Variants in NAV2 observed in about 807,000 individuals in gnomAD.
The protein encoded by NAV2 is helicase, APC down-regulated 1.
A neutral mutation model predicts 223.2 loss-of-function variants in NAV2; 54 were observed. The observed-to-expected ratio is 0.24, with a 90% CI of 0.19 to 0.30. NAV2 has a LOEUF of 0.30. NAV2 is among the 10% of genes least tolerant of loss of function. The probability of loss-of-function intolerance (pLI) is 1.00; values close to 1 mark genes in which losing one functional copy is unlikely to be tolerated. For synonymous variants in NAV2, 1,279 were observed against 1,239.3 expected (o/e 1.03, Z -0.67); for missense variants, 2,806 against 3,147.5 (o/e 0.89, Z 2.60).
At chr11:19,666,878 TG>T (rs1408701640) in intron 1 of NAV2, among the ~76,000 whole-genome samples, 1 of 152,196 alleles carries the variant, frequency 6.6e-6, no homozygotes, top group African/African-American at 2.4e-5. Flanking sequence ...TCAGAATTTC[TG>T]GGGGTAAGGC....
At chr11:19,523,652 A>T (rs553771820) in intron 1 of NAV2, among the ~76,000 whole-genome samples, 2 of 152,214 alleles carry the variant, frequency 1.3e-5, no homozygotes, top group African/African-American at 4.8e-5. Flanking sequence ...TCCATGTGCC[A>T]TGAGGGCAAG....
At chr11:19,632,546 AC>A (rs1307296041) in intron 1 of NAV2, among the ~76,000 whole-genome samples, 1 of 151,794 alleles carries the variant, frequency 6.6e-6, no homozygotes, top group Non-Finnish European at 1.5e-5. Context: ...AAACTGGCCA[AC>A]CCTTCCTGCC....
intron 1 of NAV2, among the ~76,000 whole-genome samples, chr11:19,781,616 A>C (rs1330063957): frequency 6.6e-6 from 1 of 152,116 alleles, no homozygotes; most frequent in African/African-American, 2.4e-5. Flanking sequence ...GCTAACAAGC[A>C]GATTAAAAGA....
chr11:19,853,354 A>T (rs1225505250), intron 3 of NAV2, among the ~76,000 whole-genome samples: 2 of 152,238 alleles, frequency 1.3e-5, no homozygotes, highest in African/African-American at 2.4e-5. Context: ...TTTAAAAGTT[A>T]ATAGGAGGGA....
At chr11:19,435,495 G>C (rs376118654) in intron 1 of NAV2, among the ~76,000 whole-genome samples, 1 of 152,066 alleles carries the variant, frequency 6.6e-6, no homozygotes, top group Non-Finnish European at 1.5e-5. Context: ...CATTTCAATT[G>C]TTTCCATATC....
chr11:19,593,709 G>A (rs765274660), intron 1 of NAV2, among the ~76,000 whole-genome samples: 2 of 151,652 alleles, frequency 1.3e-5, no homozygotes, highest in African/African-American at 2.4e-5. Context: ...GGAATTTGGT[G>A]TTGCCACTAT....
chr11:19,497,048 T>C (rs11025158), intron 1 of NAV2, among the ~76,000 whole-genome samples: 22,933 of 152,158 alleles, frequency 0.15, 1,820 homozygotes, highest in Admixed American at 0.2. Flanking sequence ...GCCATTGCAT[T>C]TGCTCTTAGA....
At chr11:19,707,139 A>T (rs574915294) in intron 1 of NAV2, among the ~76,000 whole-genome samples, 2 of 152,358 alleles carry the variant, frequency 1.3e-5, no homozygotes, top group Non-Finnish European at 2.9e-5. Context: ...GAGAGAATGT[A>T]AAGGCCTAGG....
intron 1 of NAV2, among the ~76,000 whole-genome samples, chr11:19,609,235 A>T (rs2046565264): frequency 6.6e-6 from 1 of 152,232 alleles, no homozygotes; most frequent in Admixed American, 6.5e-5. Flanking sequence ...TTAATTAAAG[A>T]TAAGCTGCAG....
chr11:19,977,373 T>C (rs2625295), intron 10 of NAV2, among the ~76,000 whole-genome samples: 123,017 of 152,230 alleles, frequency 0.81, 50,172 homozygotes, highest in East Asian at 0.92. Flanking sequence ...CCAAAGGTTG[T>C]TGTTGGTTTT....
At chr11:19,465,570 A>T (rs1485275723) in intron 1 of NAV2, among the ~76,000 whole-genome samples, 1 of 152,242 alleles carries the variant, frequency 6.6e-6, no homozygotes, top group Non-Finnish European at 1.5e-5. Flanking sequence ...AAGTTATAGA[A>T]ACAGGAACTC....
chr11:19,871,507 C>A (rs2062492350), intron 4 of NAV2, among the ~76,000 whole-genome samples: 1 of 152,128 alleles, frequency 6.6e-6, no homozygotes, highest in Admixed American at 6.5e-5. Flanking sequence ...CTGCCACTGT[C>A]TCAGCTGGTA....
intron 22 of NAV2, among the ~76,000 whole-genome samples, chr11:20,077,035 C>T (rs997615581): frequency 2.0e-5 from 3 of 152,124 alleles, no homozygotes; most frequent in Admixed American, 2.0e-4. Flanking sequence ...TTTGTTCATT[C>T]TACTAACATG....
At chr11:19,471,740 C>A (rs2041971919) in intron 1 of NAV2, among the ~76,000 whole-genome samples, 1 of 152,184 alleles carries the variant, frequency 6.6e-6, no homozygotes, top group Non-Finnish European at 1.5e-5. Flanking sequence ...ATGAAGAAGG[C>A]AGTGCTTAAA....
intron 1 of NAV2, among the ~76,000 whole-genome samples, chr11:19,546,503 T>C (rs7123531): frequency 0.19 from 29,592 of 152,106 alleles, 5,527 homozygotes; most frequent in African/African-American, 0.5. Flanking sequence ...ATCCTCAGCT[T>C]TCCAAAGCCA....
At chr11:19,877,088 C>T (rs371998127) in intron 4 of NAV2, among the ~76,000 whole-genome samples, 2 of 152,088 alleles carry the variant, frequency 1.3e-5, no homozygotes, top group African/African-American at 4.8e-5. Flanking sequence ...AAACTGGACC[C>T]TGAGTCGGAA....
At chr11:19,516,830 T>C (rs1296296825) in intron 1 of NAV2, among the ~76,000 whole-genome samples, 1 of 152,150 alleles carries the variant, frequency 6.6e-6, no homozygotes, top group Non-Finnish European at 1.5e-5. Context: ...TACCCAAGTA[T>C]TCATGTCAGC....
intron 1 of NAV2, among the ~76,000 whole-genome samples, chr11:19,451,700 T>G (rs548556397): frequency 9.5e-4 from 144 of 152,350 alleles, no homozygotes; most frequent in African/African-American, 3.2e-3. Flanking sequence ...GAGGATGTTT[T>G]AGCTGGGACT....
intron 10 of NAV2, among the ~76,000 whole-genome samples, chr11:19,978,207 T>A (rs2049973212): frequency 6.6e-6 from 1 of 151,888 alleles, no homozygotes; most frequent in Non-Finnish European, 1.5e-5. Context: ...CGGAGTGAAG[T>A]TGATTCATCT....
Sources: gnomAD v4.1 joint callset for allele counts (sites outside exome capture counted in the v4.1 genomes callset) on GRCh38, gnomAD v4.1.1 for gene constraint, MANE v1.5 for transcripts, NCBI Gene and HGNC (gene_info 2026-07-23, HGNC 2026-07-21) for gene names.